Variants in RORA observed in about 807,000 individuals in gnomAD.
The protein encoded by RORA is RAR related orphan receptor A, also known as nuclear receptor ROR-alpha.
RORA carries 7 observed loss-of-function variants against 69.5 expected under a neutral mutation model. The observed-to-expected ratio is 0.10, with a 90% CI of 0.06 to 0.19. RORA has a LOEUF of 0.19. Ranked by LOEUF, RORA falls within the 10% of genes least tolerant of loss-of-function variation. RORA has a pLI of 1.00. For missense variants in RORA, 457 were observed against 663.0 expected, an observed-to-expected ratio of 0.69 and a Z score of 3.41; for synonymous variants, 261 against 240.8, an observed-to-expected ratio of 1.08 and a Z score of -0.78.
At position 60,812,979 on chromosome 15, in the gene RORA, T is replaced by C. The variant is rs552130200; in HGVS notation, c.167-134293A>G. On this transcript the variant is annotated intron_variant, in intron 1 of 10. Coordinates refer to ENST00000335670, the MANE Select transcript of RORA (RefSeq NM_134261.3). Reference sequence around the variant, plus strand: ...GTGCTGGTCAGAAGAGGCTGTGCCCTATGATAACAAATCTCTACCTCTCAG... The same window carrying C: ...GTGCTGGTCAGAAGAGGCTGTGCCCCATGATAACAAATCTCTACCTCTCAG... 7.2e-5 allele frequency among the ~76,000 whole-genome samples: 11 copies of C among 152,352 alleles called. No individual in the cohort carries two copies. In the East Asian group the frequency reaches 1.5e-3, roughly 21 times the overall value.
chr15:60,665,471 G>A (rs189168473), intron 2 of RORA, among the ~76,000 whole-genome samples: 1 of 152,296 alleles, frequency 6.6e-6, no homozygotes, highest in Admixed American at 6.5e-5. Context: ...AGATAGGCAA[G>A]TATTTTTAAA....
intron 3 of RORA, chr15:60,528,144 C>G (rs2066419404): frequency 6.6e-6 from 1 of 152,290 alleles, no homozygotes; most frequent in Admixed American, 6.5e-5. Flanking sequence ...GAGCCTTGAA[C>G]TCCTGGGCTC....
At chr15:60,858,873 C>T (rs2073408054) in intron 1 of RORA, among the ~76,000 whole-genome samples, 1 of 152,102 alleles carries the variant, frequency 6.6e-6, no homozygotes, top group Admixed American at 6.6e-5. Flanking sequence ...GAATCCACAT[C>T]TCAAACGCTC....
chr15:60,554,177 T>A (rs900242354), intron 2 of RORA, among the ~76,000 whole-genome samples: 1 of 152,218 alleles, frequency 6.6e-6, no homozygotes. Context: ...GATTTGCTGA[T>A]AATTGATTTT....
At chr15:60,949,862 T>C (rs1192275203) in intron 1 of RORA, among the ~76,000 whole-genome samples, 3 of 152,172 alleles carry the variant, frequency 2.0e-5, no homozygotes, top group Non-Finnish European at 2.9e-5. Context: ...GTAAAAGAGA[T>C]GAGAAGGATC....
At chr15:61,025,821 T>C (rs1423307290) in intron 1 of RORA, among the ~76,000 whole-genome samples, 1 of 152,212 alleles carries the variant, frequency 6.6e-6, no homozygotes, top group African/African-American at 2.4e-5. Flanking sequence ...GTTGGCAACA[T>C]GGGTTGGAGT....
At chr15:60,871,679 G>A (rs543766820) in intron 1 of RORA, among the ~76,000 whole-genome samples, 1 of 152,142 alleles carries the variant, frequency 6.6e-6, no homozygotes, top group Non-Finnish European at 1.5e-5. Flanking sequence ...GCTCTCTCTT[G>A]TCCAGTCTAG....
intron 1 of RORA, among the ~76,000 whole-genome samples, chr15:60,802,073 C>T (rs1254294238): frequency 6.6e-6 from 1 of 152,108 alleles, no homozygotes; most frequent in Non-Finnish European, 1.5e-5. Flanking sequence ...AGCTACTGTA[C>T]AATGCTTGGT....
chr15:61,002,388 T>G (rs16943477), intron 1 of RORA, among the ~76,000 whole-genome samples: 2,248 of 152,354 alleles, frequency 0.015, 56 homozygotes, highest in African/African-American at 0.049. Context: ...ATCAGCCATA[T>G]TTCTTCCACA....
chr15:61,216,434 T>C (rs983576928), intron 1 of RORA, among the ~76,000 whole-genome samples: 9 of 152,176 alleles, frequency 5.9e-5, no homozygotes, highest in African/African-American at 1.7e-4. Flanking sequence ...TGGGTCACCA[T>C]AGTGGAGCAT....
rs1024412871 is a variant in RORA, at chr15:60,511,112, T to C, written c.820+114A>G. 5.0e-6 allele frequency: 6 copies of C among 1,210,372 alleles called. No individual in the cohort carries two copies. Among genetic ancestry groups the C allele is most frequent in the South Asian group, 1.5e-5 (1 of 65,822 alleles). The allele number at this position is 1,210,372 out of a possible 1,614,324, so 75.0% of individuals were successfully genotyped here. On this transcript the variant is annotated intron_variant, in intron 5 of 10. Coordinates refer to ENST00000335670, the MANE Select transcript of RORA (RefSeq NM_134261.3). This position sits in a 1 kb window ranked among gnomAD's most constrained non-coding sequence, Gnocchi z 6.4. ...AGGGCAGAAAATTAAGTGGCCCAAA[T>C]GGTAAAGGTGAATTGCATCATTTAG...
At chr15:60,815,353 C>T (rs1190997112) in intron 1 of RORA, among the ~76,000 whole-genome samples, 1 of 152,114 alleles carries the variant, frequency 6.6e-6, no homozygotes, top group Non-Finnish European at 1.5e-5. Context: ...AACAAGGGAG[C>T]ATTGCCTGGT....
chr15:60,915,782 T>C (rs933976299), intron 1 of RORA, among the ~76,000 whole-genome samples: 1 of 152,166 alleles, frequency 6.6e-6, no homozygotes, highest in African/African-American at 2.4e-5. Context: ...GAATGTGGGT[T>C]CAAATCCCAA....
intron 1 of RORA, among the ~76,000 whole-genome samples, chr15:60,932,866 T>C (rs184441588): frequency 3.4e-4 from 51 of 152,090 alleles, no homozygotes; most frequent in African/African-American, 1.2e-3. Context: ...AACCAAGGAG[T>C]GTGGAACAGA....
At chr15:60,953,741 G>A (rs962002180) in intron 1 of RORA, among the ~76,000 whole-genome samples, 15 of 152,040 alleles carry the variant, frequency 9.9e-5, no homozygotes, top group African/African-American at 3.6e-4. Flanking sequence ...ACCACTATGA[G>A]ATACCATCTC....
intron 1 of RORA, among the ~76,000 whole-genome samples, chr15:60,931,056 G>A (rs147726850): frequency 6.6e-6 from 1 of 152,326 alleles, no homozygotes; most frequent in Non-Finnish European, 1.5e-5. Flanking sequence ...TTAAATGGCA[G>A]GGGGAAGAGG....
chr15:60,611,559 C>CAAAAAAAATAAAAAAAAAAAAAAA (rs2069087895), intron 2 of RORA, among the ~76,000 whole-genome samples: 1 of 35,810 alleles, frequency 2.8e-5, no homozygotes, highest in Non-Finnish European at 4.7e-5. Flanking sequence ...TTGAGTTTTG[C>CAAAAAAAATAAAAAAAAAAAAAAA]AAAAAAAAAA....
intron 1 of RORA, among the ~76,000 whole-genome samples, chr15:61,105,006 C>A (rs957914599): frequency 7.1e-6 from 1 of 141,112 alleles, no homozygotes; most frequent in Non-Finnish European, 1.5e-5. Context: ...CCCCCCCCAC[C>A]GCCCAGCCAC....
intron 1 of RORA, among the ~76,000 whole-genome samples, chr15:60,881,452 C>T (rs561215709): frequency 5.0e-4 from 76 of 152,214 alleles, no homozygotes; most frequent in Admixed American, 4.1e-3. Context: ...GGATGAAACA[C>T]CATTTTACCA....
Sources: gnomAD v4.1 joint callset for allele counts (sites outside exome capture counted in the v4.1 genomes callset) on GRCh38, gnomAD v4.1.1 for gene constraint, Gnocchi (gnomAD v3.1) non-coding constraint, MANE v1.5 for transcripts, NCBI Gene and HGNC (gene_info 2026-07-23, HGNC 2026-07-21) for gene names.